LHFPL3: variants seen among roughly 807,000 people sequenced by gnomAD.
LHFPL3 encodes the protein LHFPL tetraspan subfamily member 3.
LHFPL3 carries 5 observed loss-of-function variants against 19.3 expected under a neutral mutation model. That is an observed-to-expected ratio of 0.26 (90% CI 0.14 to 0.54). LHFPL3 has a LOEUF of 0.54. LHFPL3 is among the 20% of genes least tolerant of loss of function. LHFPL3 has a pLI of 0.94. For synonymous variants in LHFPL3, 133 were observed against 126.2 expected, an observed-to-expected ratio of 1.05 and a Z score of -0.36; for missense variants, 249 against 307.4, an observed-to-expected ratio of 0.81 and a Z score of 1.42.
At chr7:104,640,979 C>A (rs1490512196) in intron 1 of LHFPL3, among the ~76,000 whole-genome samples, 1 of 152,088 alleles carries the variant, frequency 6.6e-6, no homozygotes, top group African/African-American at 2.4e-5. Flanking sequence ...ACTATTTATC[C>A]CTCACATGCT....
intron 1 of LHFPL3, among the ~76,000 whole-genome samples, chr7:104,344,900 A>G (rs1160990548): frequency 6.6e-6 from 1 of 152,130 alleles, no homozygotes; most frequent in African/African-American, 2.4e-5. Flanking sequence ...CCTAGTTTGG[A>G]TAAGAGGGTT....
chr7:104,425,395 T>A lies in LHFPL3; in HGVS notation c.445+96171T>A, dbSNP rs868385335. ...TTTTCTTATCTGCAAAAGTTAGATT[T>A]TTTTTTTATTTGCCTGTTAGAAATA... On this transcript the variant is annotated intron_variant, in intron 1 of 2. Coordinates refer to ENST00000424859, the MANE Select transcript of LHFPL3 (RefSeq NM_199000.3). Among the ~76,000 whole-genome samples, 244 of 152,298 alleles carry A rather than the reference T, an allele frequency of 1.6e-3. 1 individual carries two copies. Among genetic ancestry groups the A allele is most frequent in the African/African-American group, 5.5e-3 (227 of 41,566 alleles).
At chr7:104,577,767 C>T (rs1372875041) in intron 1 of LHFPL3, among the ~76,000 whole-genome samples, 2 of 152,056 alleles carry the variant, frequency 1.3e-5, no homozygotes, top group Non-Finnish European at 2.9e-5. Flanking sequence ...ACTGTGGCTC[C>T]GTGAGTGGTC....
At chr7:104,768,321 A>T (rs1794494883) in intron 2 of LHFPL3, among the ~76,000 whole-genome samples, 1 of 152,062 alleles carries the variant, frequency 6.6e-6, no homozygotes, top group South Asian at 2.1e-4. Context: ...AGTAAGAAAA[A>T]GTTGACACCA....
intron 1 of LHFPL3, among the ~76,000 whole-genome samples, chr7:104,588,362 A>C (rs553312865): frequency 6.6e-6 from 1 of 152,302 alleles, no homozygotes; most frequent in African/African-American, 2.4e-5. Flanking sequence ...AGCACCATTT[A>C]CTAAATAGGG....
At chr7:104,430,682 A>G (rs1791985863) in intron 1 of LHFPL3, among the ~76,000 whole-genome samples, 2 of 150,480 alleles carry the variant, frequency 1.3e-5, no homozygotes, top group Admixed American at 6.7e-5. Context: ...GTTTGCCAGG[A>G]TGGTCTCAAT....
intron 1 of LHFPL3, among the ~76,000 whole-genome samples, chr7:104,602,636 A>G (rs61247334): frequency 0.028 from 4,224 of 152,318 alleles, 196 homozygotes; most frequent in African/African-American, 0.097. Flanking sequence ...CTTCAGCATT[A>G]TGTCAGTAGA....
intron 1 of LHFPL3, among the ~76,000 whole-genome samples, chr7:104,523,067 A>T (rs1346020962): frequency 6.7e-6 from 1 of 148,218 alleles, no homozygotes; most frequent in Non-Finnish European, 1.5e-5. Context: ...ATACACATAT[A>T]TATACACATA....
chr7:104,593,367 C>T (rs1240630222), intron 1 of LHFPL3, among the ~76,000 whole-genome samples: 1 of 152,102 alleles, frequency 6.6e-6, no homozygotes, highest in Admixed American at 6.6e-5. Flanking sequence ...GTTTCTTAAT[C>T]CTGAGTTCTA....
At chr7:104,540,698 C>T (rs1199002552) in intron 1 of LHFPL3, among the ~76,000 whole-genome samples, 1 of 152,158 alleles carries the variant, frequency 6.6e-6, no homozygotes, top group Admixed American at 6.5e-5. Context: ...TTAACCATCA[C>T]AATGACCCTG....
intron 1 of LHFPL3, among the ~76,000 whole-genome samples, chr7:104,404,776 T>C (rs888695042): frequency 1.3e-5 from 2 of 152,180 alleles, no homozygotes; most frequent in African/African-American, 4.8e-5. Context: ...ACCAGACACC[T>C]ATGAACTTAG....
intron 1 of LHFPL3, among the ~76,000 whole-genome samples, chr7:104,528,821 C>G (rs1236723316): frequency 1.3e-5 from 2 of 152,104 alleles, no homozygotes; most frequent in African/African-American, 4.8e-5. Flanking sequence ...AGCTTAAACA[C>G]CTTAGCTCGA....
chr7:104,610,477 C>T (rs955298560), intron 1 of LHFPL3, among the ~76,000 whole-genome samples: 3 of 152,090 alleles, frequency 2.0e-5, no homozygotes, highest in Admixed American at 2.0e-4. Context: ...TCCAAGATTT[C>T]TCCAGCTGGT....
chr7:104,676,783 C>T (rs572499266), intron 1 of LHFPL3, among the ~76,000 whole-genome samples: 2 of 152,306 alleles, frequency 1.3e-5, no homozygotes, highest in Admixed American at 6.5e-5. Context: ...TAAAGTGGTA[C>T]ACATTTTCTG....
At chr7:104,876,810 T>C (rs1403861371) in intron 2 of LHFPL3, among the ~76,000 whole-genome samples, 2 of 152,220 alleles carry the variant, frequency 1.3e-5, no homozygotes, top group Non-Finnish European at 2.9e-5. Context: ...CATGCTGCTA[T>C]AAGGACACAT....
intron 1 of LHFPL3, among the ~76,000 whole-genome samples, chr7:104,386,566 C>A (rs896136349): frequency 1.3e-5 from 2 of 152,162 alleles, no homozygotes; most frequent in African/African-American, 4.8e-5. Context: ...CCAGGAGACA[C>A]CAGAAAATGC....
intron 1 of LHFPL3, among the ~76,000 whole-genome samples, chr7:104,710,576 G>A (rs538628290): frequency 3.9e-4 from 60 of 152,186 alleles, no homozygotes; most frequent in African/African-American, 1.3e-3. Flanking sequence ...CAGACTACCC[G>A]AGGCATCAAT....
chr7:104,504,029 A>G (rs1021155146), intron 1 of LHFPL3, among the ~76,000 whole-genome samples: 1 of 152,236 alleles, frequency 6.6e-6, no homozygotes, highest in Non-Finnish European at 1.5e-5. Flanking sequence ...GTACTAGAGA[A>G]GATAGTAGTC....
intron 1 of LHFPL3, among the ~76,000 whole-genome samples, chr7:104,349,829 A>G (rs1166923850): frequency 6.6e-6 from 1 of 152,236 alleles, no homozygotes. Context: ...ATAATTTGCT[A>G]TAACCTTACT....
Sources: gnomAD v4.1 joint callset for allele counts (sites outside exome capture counted in the v4.1 genomes callset) on GRCh38, gnomAD v4.1.1 for gene constraint, MANE v1.5 for transcripts, NCBI Gene and HGNC (gene_info 2026-07-23, HGNC 2026-07-21) for gene names.